Variants in NKAIN3 observed in about 807,000 individuals in gnomAD.
The protein encoded by NKAIN3 is sodium/potassium-transporting ATPase subunit beta-1-interacting protein 3.
A neutral mutation model predicts 30.2 loss-of-function variants in NKAIN3; 25 were observed. The ratio of observed to expected loss-of-function variants is 0.83; its 90% confidence interval spans 0.60 to 1.16. NKAIN3 has a LOEUF of 1.16. Ranked by LOEUF, NKAIN3 falls within the 50% of genes most tolerant of loss-of-function variation. NKAIN3 has a pLI of 0.00. For missense variants in NKAIN3, 225 were observed against 254.1 expected (o/e 0.89, Z 0.78); for synonymous variants, 91 against 89.6 (o/e 1.02, Z -0.09).
intron 4 of NKAIN3, among the ~76,000 whole-genome samples, chr8:62,913,210 A>G (rs1821977621): frequency 6.6e-6 from 1 of 152,166 alleles, no homozygotes; most frequent in South Asian, 2.1e-4. Context: ...GTATAAATAC[A>G]TAAACCAGTA....
At chr8:62,562,335 C>T (rs1457624161) in intron 1 of NKAIN3, among the ~76,000 whole-genome samples, 1 of 152,114 alleles carries the variant, frequency 6.6e-6, no homozygotes. Context: ...AGAGTAAAAA[C>T]ACCCACATAA....
chr8:62,784,194 C>A (rs568854190), intron 4 of NKAIN3, among the ~76,000 whole-genome samples: 3 of 151,722 alleles, frequency 2.0e-5, no homozygotes, highest in African/African-American at 7.3e-5. Flanking sequence ...GGTTTTCAAA[C>A]AATTTGTCTA....
At chr8:62,631,814 A>G (rs1378622283) in intron 3 of NKAIN3, among the ~76,000 whole-genome samples, 1 of 152,112 alleles carries the variant, frequency 6.6e-6, no homozygotes, top group African/African-American at 2.4e-5. Flanking sequence ...GCTCTCAGCC[A>G]CCCTACTGCC....
chr8:62,353,088 G>C (rs1417854458), intron 1 of NKAIN3, among the ~76,000 whole-genome samples: 1 of 152,198 alleles, frequency 6.6e-6, no homozygotes, highest in African/African-American at 2.4e-5. Flanking sequence ...CAAAGCCTCA[G>C]TGTGCCACCC....
intron 4 of NKAIN3, among the ~76,000 whole-genome samples, chr8:62,818,792 C>T (rs1818765976): frequency 6.6e-6 from 1 of 151,896 alleles, no homozygotes; most frequent in African/African-American, 2.4e-5. Flanking sequence ...GTTACAGCAT[C>T]CCAGAGTATA....
At chr8:62,746,177 T>C (rs1234469700) in intron 3 of NKAIN3, among the ~76,000 whole-genome samples, 1 of 152,200 alleles carries the variant, frequency 6.6e-6, no homozygotes, top group African/African-American at 2.4e-5. Context: ...CCACTTTTGG[T>C]GGCTGGCAGC....
At chr8:62,488,162 A>G (rs767687647) in intron 1 of NKAIN3, among the ~76,000 whole-genome samples, 18 of 152,164 alleles carry the variant, frequency 1.2e-4, no homozygotes, top group Non-Finnish European at 2.1e-4. Flanking sequence ...CTATAACCCA[A>G]TCAAGTCTTA....
chr8:62,641,434 A>C (rs1041504918), intron 3 of NKAIN3, among the ~76,000 whole-genome samples: 1 of 152,152 alleles, frequency 6.6e-6, no homozygotes, highest in Non-Finnish European at 1.5e-5. Context: ...TTGCAGCTAA[A>C]AAGTTAGCTA....
intron 4 of NKAIN3, among the ~76,000 whole-genome samples, chr8:62,869,193 G>T (rs959365117): frequency 1.3e-5 from 2 of 152,098 alleles, no homozygotes; most frequent in African/African-American, 4.8e-5. Flanking sequence ...TGTGCTCAAC[G>T]TGCAGGTTTG....
chr8:62,729,785 A>G (rs947698752), intron 3 of NKAIN3, among the ~76,000 whole-genome samples: 1 of 152,212 alleles, frequency 6.6e-6, no homozygotes, highest in Non-Finnish European at 1.5e-5. Flanking sequence ...GCATTCATAC[A>G]AATTCATTAA....
At chr8:62,511,155 C>G (rs147206818) in intron 1 of NKAIN3, among the ~76,000 whole-genome samples, 1 of 152,316 alleles carries the variant, frequency 6.6e-6, no homozygotes, top group Non-Finnish European at 1.5e-5. Flanking sequence ...GCTTTCCCCA[C>G]ACCCTGGAAT....
At chr8:62,932,995 A>AACACACACAC (rs59854103) in intron 5 of NKAIN3, among the ~76,000 whole-genome samples, 52,444 of 141,416 alleles carry the variant, frequency 0.37, 9,688 homozygotes, top group East Asian at 0.46. Flanking sequence ...TCACTCAATG[A>AACACACACAC]ACACACACAC....
intron 1 of NKAIN3, among the ~76,000 whole-genome samples, chr8:62,416,506 G>A (rs541915319): frequency 6.6e-6 from 1 of 152,232 alleles, no homozygotes; most frequent in South Asian, 2.1e-4. Context: ...ATGGCTATTT[G>A]TTGAATTTTG....
intron 4 of NKAIN3, among the ~76,000 whole-genome samples, chr8:62,766,384 GAAACCA>G (rs1816839770): frequency 6.6e-6 from 1 of 152,186 alleles, no homozygotes; most frequent in Non-Finnish European, 1.5e-5. Context: ...ACTGAGATTT[GAAACCA>G]GTACTCTGGC....
At chr8:62,439,263 A>G (rs2129598102) in intron 1 of NKAIN3, among the ~76,000 whole-genome samples, 1 of 152,340 alleles carries the variant, frequency 6.6e-6, no homozygotes, top group Non-Finnish European at 1.5e-5. Context: ...GAATCTGTCC[A>G]CAACTACAGG....
At chr8:62,429,456 C>A (rs1406247819) in intron 1 of NKAIN3, among the ~76,000 whole-genome samples, 1 of 151,752 alleles carries the variant, frequency 6.6e-6, no homozygotes, top group Non-Finnish European at 1.5e-5. Context: ...GAGATGAATC[C>A]CACCTGATCA....
chr8:62,958,233 G>A (rs758424975), intron 6 of NKAIN3, among the ~76,000 whole-genome samples: 4 of 151,948 alleles, frequency 2.6e-5, no homozygotes, highest in Admixed American at 1.3e-4. Context: ...GACAGCTCTC[G>A]GTGAGGACCC....
chr8:62,311,357 A>G (rs1814424407), intron 1 of NKAIN3, among the ~76,000 whole-genome samples: 1 of 150,444 alleles, frequency 6.6e-6, no homozygotes, highest in Non-Finnish European at 1.5e-5. Flanking sequence ...TCCAAAAGAC[A>G]TGGCCTCAGT....
At chr8:62,796,971 C>T (rs1234347917) in intron 4 of NKAIN3, among the ~76,000 whole-genome samples, 2 of 152,158 alleles carry the variant, frequency 1.3e-5, no homozygotes, top group African/African-American at 4.8e-5. Flanking sequence ...AACTTAAAGA[C>T]AGCATGAAGT....
Sources: gnomAD v4.1 joint callset for allele counts (sites outside exome capture counted in the v4.1 genomes callset) on GRCh38, gnomAD v4.1.1 for gene constraint, MANE v1.5 for transcripts, NCBI Gene and HGNC (gene_info 2026-07-23, HGNC 2026-07-21) for gene names.